Variants in RGS17 observed in about 807,000 individuals in gnomAD.
RGS17 encodes regulator of G-protein signaling 17.
Under a neutral mutation model 25.5 loss-of-function variants are expected in RGS17, and 12 were observed. That is an observed-to-expected ratio of 0.47 (90% CI 0.30 to 0.76). RGS17 has a LOEUF of 0.76. Ranked by LOEUF, RGS17 falls within the 30% of genes least tolerant of loss-of-function variation. The pLI, the probability that RGS17 is intolerant of heterozygous loss-of-function variation, is 0.07. For synonymous variants in RGS17, 71 were observed against 76.9 expected, an observed-to-expected ratio of 0.92 and a Z score of 0.40; for missense variants, 196 against 242.2, an observed-to-expected ratio of 0.81 and a Z score of 1.27.
intron 1 of RGS17, among the ~76,000 whole-genome samples, chr6:153,125,153 A>T (rs1777686543): frequency 6.6e-6 from 1 of 152,136 alleles, no homozygotes; most frequent in Non-Finnish European, 1.5e-5. Flanking sequence ...ATGGCTCTTG[A>T]ATTATAACCT....
intron 1 of RGS17, among the ~76,000 whole-genome samples, chr6:153,096,444 T>A (rs981298105): frequency 5.0e-4 from 76 of 152,240 alleles, no homozygotes; most frequent in Admixed American, 5.0e-3. Context: ...AAATGCTCAA[T>A]AAGCATTAGT....
chr6:153,107,547 A>C (rs73785751), intron 1 of RGS17, among the ~76,000 whole-genome samples: 1 of 120,476 alleles, frequency 8.3e-6, no homozygotes, highest in Non-Finnish European at 1.8e-5. Flanking sequence ...TTTGTAAAAA[A>C]AAAATTCAAG....
chr6:153,007,660 C>G lies in RGS17; in HGVS notation c.*3914G>C, dbSNP rs1374213571. On this transcript the variant is annotated 3_prime_UTR_variant, in exon 5 of 5. Coordinates refer to ENST00000206262, the MANE Select transcript of RGS17 (RefSeq NM_012419.5). ...AGGCTGGAGTGCAGTGGCATGATAT[C>G]AGCTCACTGCGACCTCTGCCTCCTG... 6.6e-6 allele frequency: 1 copy of G among 151,996 alleles called. No homozygotes were observed. The allele number at this position is 151,996 out of a possible 1,614,324, so 9.4% of individuals were successfully genotyped here.
chr6:153,064,426 T>A (rs777263334), intron 1 of RGS17, among the ~76,000 whole-genome samples: 1 of 152,004 alleles, frequency 6.6e-6, no homozygotes, highest in Non-Finnish European at 1.5e-5. Flanking sequence ...GTGAGGAGAT[T>A]GAGACCATCC....
At chr6:153,123,011 A>G (rs995816894) in intron 1 of RGS17, among the ~76,000 whole-genome samples, 1 of 151,376 alleles carries the variant, frequency 6.6e-6, no homozygotes, top group Non-Finnish European at 1.5e-5. Flanking sequence ...ATCAGAGTAC[A>G]TTGGAGTATT....
At chr6:153,106,955 A>G (rs1777392964) in intron 1 of RGS17, among the ~76,000 whole-genome samples, 2 of 151,990 alleles carry the variant, frequency 1.3e-5, no homozygotes, top group East Asian at 3.9e-4. Context: ...TCTCTGTCAT[A>G]CTAGGATTCA....
intron 1 of RGS17, among the ~76,000 whole-genome samples, chr6:153,058,830 C>T (rs1776598777): frequency 6.6e-6 from 1 of 152,056 alleles, no homozygotes; most frequent in Admixed American, 6.6e-5. Flanking sequence ...TAGTTCATGA[C>T]CCATTTACCT....
At chr6:153,093,391 C>A (rs1777159982) in intron 1 of RGS17, among the ~76,000 whole-genome samples, 1 of 152,156 alleles carries the variant, frequency 6.6e-6, no homozygotes, top group Non-Finnish European at 1.5e-5. Context: ...GTGTGGTGAA[C>A]CTTTTTGTAA....
At chr6:153,019,771 G>A (rs1779220799) in intron 4 of RGS17, among the ~76,000 whole-genome samples, 1 of 152,114 alleles carries the variant, frequency 6.6e-6, no homozygotes, top group African/African-American at 2.4e-5. Flanking sequence ...GAAGCCTGCA[G>A]AACTGTGAGC....
At chr6:153,119,609 C>G (rs1439858746) in intron 1 of RGS17, among the ~76,000 whole-genome samples, 1 of 152,114 alleles carries the variant, frequency 6.6e-6, no homozygotes, top group Non-Finnish European at 1.5e-5. Flanking sequence ...AGGAGAATTG[C>G]TTGAACCCGG....
chr6:153,021,458 G>A (rs974895086), intron 4 of RGS17, among the ~76,000 whole-genome samples: 2 of 152,200 alleles, frequency 1.3e-5, no homozygotes, highest in African/African-American at 2.4e-5. Context: ...GCCATGCGCT[G>A]AGTATATCAA....
At chr6:153,027,764 T>A (rs190469772) in intron 2 of RGS17, among the ~76,000 whole-genome samples, 142 of 152,262 alleles carry the variant, frequency 9.3e-4, no homozygotes, top group African/African-American at 2.9e-3. Context: ...CAACCCTGTA[T>A]TTCTGAGTGC....
At chr6:153,060,553 T>C (rs1037260118) in intron 1 of RGS17, among the ~76,000 whole-genome samples, 5 of 152,172 alleles carry the variant, frequency 3.3e-5, no homozygotes, top group East Asian at 1.9e-4. Flanking sequence ...GGCTGGGTCA[T>C]TCATCTTAGT....
intron 1 of RGS17, among the ~76,000 whole-genome samples, chr6:153,104,528 A>G (rs1038447314): frequency 1.3e-5 from 2 of 152,260 alleles, no homozygotes; most frequent in African/African-American, 4.8e-5. Flanking sequence ...AGAGAAATGT[A>G]TCTGTTGGAT....
intron 3 of RGS17, 70 bp downstream of exon 3, chr6:153,026,384 C>A (rs1779301802): frequency 2.7e-6 from 3 of 1,094,334 alleles, no homozygotes; most frequent in South Asian, 1.4e-5. Context: ...AGGGGTAATA[C>A]TGAGGCACGC....
At chr6:153,107,873 C>G (rs74477308) in intron 1 of RGS17, among the ~76,000 whole-genome samples, 1 of 152,208 alleles carries the variant, frequency 6.6e-6, no homozygotes. Context: ...AAATCCCTAA[C>G]AGCTCTTGAT....
At chr6:153,102,600 C>T (rs1032882503) in intron 1 of RGS17, among the ~76,000 whole-genome samples, 2 of 152,114 alleles carry the variant, frequency 1.3e-5, no homozygotes, top group African/African-American at 4.8e-5. Flanking sequence ...GAGTGAGTAA[C>T]GCTGTCAATG....
chr6:153,078,341 G>T (rs1776918174), intron 1 of RGS17, among the ~76,000 whole-genome samples: 1 of 152,086 alleles, frequency 6.6e-6, no homozygotes, highest in Non-Finnish European at 1.5e-5. Flanking sequence ...CATTGAGGTT[G>T]AATTAGATTA....
At chr6:153,077,278 T>C (rs1334885188) in intron 1 of RGS17, among the ~76,000 whole-genome samples, 1 of 152,146 alleles carries the variant, frequency 6.6e-6, no homozygotes, top group Non-Finnish European at 1.5e-5. Flanking sequence ...CCTTGCAAAA[T>C]CAGTGCTGTG....
Sources: allele counts gnomAD v4.1 joint callset (sites outside exome capture counted in the v4.1 genomes callset), GRCh38; gene constraint gnomAD v4.1.1; transcripts MANE v1.5; gene names NCBI Gene and HGNC (gene_info 2026-07-23, HGNC 2026-07-21).